Variants in SLC10A7 observed in about 807,000 individuals in gnomAD.
SLC10A7 encodes the protein solute carrier family 10 member 7.
Under a neutral mutation model 43.2 loss-of-function variants are expected in SLC10A7, and 29 were observed. The ratio of observed to expected loss-of-function variants is 0.67; its 90% CI spans 0.50 to 0.92. The LOEUF (loss-of-function observed/expected upper bound fraction) is 0.92, where lower values mean the gene tolerates loss of function less well. SLC10A7 is among the 40% of genes least tolerant of loss of function. The pLI, the probability that SLC10A7 is intolerant of heterozygous loss-of-function variation, is 0.00. For synonymous variants in SLC10A7, 152 were observed against 144.8 expected (o/e 1.05, Z -0.35); for missense variants, 295 against 403.2 (o/e 0.73, Z 2.30).
intron 5 of SLC10A7, among the ~76,000 whole-genome samples, chr4:146,390,686 C>T (rs1043265671): frequency 1.3e-5 from 2 of 152,052 alleles, no homozygotes; most frequent in African/African-American, 4.8e-5. Context: ...CAATCAGAAT[C>T]CTAGGACTGG....
rs578196557 is a variant in SLC10A7 at position 146,308,224 on chromosome 4, G to A, written c.472-2215C>T. Among the ~76,000 whole-genome samples, 5 of 152,274 alleles carry A rather than the reference G, an allele frequency of 3.3e-5. No homozygotes were observed. In the East Asian group the frequency reaches 9.7e-4, roughly 29 times the overall value. On this transcript the variant is annotated intron_variant, in intron 6 of 11. Coordinates refer to ENST00000335472, the MANE Select transcript of SLC10A7 (RefSeq NM_001029998.6). ...GACGAGGTATGGCAGGGATGCTGGG[G>A]ACGAAATCCCCCAGGATGGCTCCCT...
At chr4:146,495,517 C>T (rs13149914) in intron 4 of SLC10A7, among the ~76,000 whole-genome samples, 24,368 of 152,144 alleles carry the variant, frequency 0.16, 2,614 homozygotes, top group East Asian at 0.43. Context: ...CTTACAGTCT[C>T]CATTTGGACT....
intron 5 of SLC10A7, among the ~76,000 whole-genome samples, chr4:146,352,762 T>G (rs1157392787): frequency 1.5e-5 from 2 of 129,542 alleles, no homozygotes; most frequent in East Asian, 2.3e-4. Flanking sequence ...ACATGGAAAC[T>G]GAACAACCTG....
intron 9 of SLC10A7, among the ~76,000 whole-genome samples, chr4:146,289,171 T>G (rs1224664671): frequency 6.6e-6 from 1 of 152,214 alleles, no homozygotes; most frequent in Admixed American, 6.5e-5. Flanking sequence ...CTGAACAAGC[T>G]ACCCAGGGTG....
intron 1 of SLC10A7, among the ~76,000 whole-genome samples, chr4:146,519,899 C>G (rs1738456306): frequency 6.6e-6 from 1 of 152,096 alleles, no homozygotes; most frequent in Non-Finnish European, 1.5e-5. Context: ...ACATTAAAGA[C>G]AGAAGGACTA....
At chr4:146,304,607 C>G (rs1406281516) in intron 7 of SLC10A7, among the ~76,000 whole-genome samples, 1 of 152,152 alleles carries the variant, frequency 6.6e-6, no homozygotes, top group Non-Finnish European at 1.5e-5. Flanking sequence ...GCACTGTGGT[C>G]TGAGAGATAG....
At chr4:146,489,393 T>G (rs1303399787) in intron 4 of SLC10A7, among the ~76,000 whole-genome samples, 4 of 152,224 alleles carry the variant, frequency 2.6e-5, no homozygotes, top group Non-Finnish European at 5.9e-5. Context: ...TAGACAAATT[T>G]CTTAGTCTCT....
rs564745157 is a variant in SLC10A7, at chr4:146,290,786, T to C, written c.773+2143A>G. Among the ~76,000 whole-genome samples the C allele has an allele frequency of 2.1e-4, 32 of 152,120 alleles. No individual in the cohort carries two copies. In the South Asian group the frequency reaches 6.0e-3, roughly 29 times the overall value. On this transcript the variant is annotated intron_variant, in intron 9 of 11. Transcript: ENST00000335472. ...GAGGTAAGAGGATCACCTGAGCCCA[T>C]GAGTTTGAGGCTGTAGCAAGCTATG...
chr4:146,439,239 T>A (rs1026733131), intron 5 of SLC10A7, among the ~76,000 whole-genome samples: 2 of 152,048 alleles, frequency 1.3e-5, no homozygotes, highest in African/African-American at 4.8e-5. Context: ...AAAAACAGCG[T>A]TCTATAATAA....
chr4:146,467,808 C>G (rs866589609), intron 4 of SLC10A7, among the ~76,000 whole-genome samples: 1 of 152,104 alleles, frequency 6.6e-6, no homozygotes. Context: ...GGTGATTCAC[C>G]TGCCTTGGCC....
chr4:146,349,999 T>TA lies in SLC10A7; in HGVS notation c.436-24004dup, dbSNP rs200358218. Reference sequence around the variant, plus strand: ...ACAAATCTAAAATAAAAGTTGAAATTAAAAAAAAATATATATATAGGGGGA... The same window carrying TA: ...ACAAATCTAAAATAAAAGTTGAAATTAAAAAAAAAATATATATATAGGGGGA... On this transcript the variant is annotated intron_variant, in intron 5 of 11. Coordinates refer to ENST00000335472, the MANE Select transcript of SLC10A7 (RefSeq NM_001029998.6). Among the ~76,000 whole-genome samples the TA allele has an allele frequency of 1.8e-4, 27 of 150,972 alleles. No homozygotes were observed. In the South Asian group the frequency reaches 2.3e-3, roughly 13 times the overall value.
rs1727840638 is a variant in SLC10A7, at chr4:146,255,432, A to C, written c.*1059T>G. ...CCTTTATATTTTCATTTATTCATGA[A>C]AGCAATATGATTTAACTTCTAAAAA... is the stretch of plus-strand genomic sequence containing the variant. On this transcript the variant is annotated 3_prime_UTR_variant, in exon 12 of 12. Coordinates refer to ENST00000335472, the MANE Select transcript of SLC10A7 (RefSeq NM_001029998.6). 1 of 152,652 alleles carries C rather than the reference A, an allele frequency of 6.6e-6. No homozygotes were observed. Among genetic ancestry groups the C allele is most frequent in the Admixed American group, 6.5e-5 (1 of 15,282 alleles). 9.5% of individuals were successfully genotyped at this position (152,652 alleles called of 1,614,324 possible).
intron 5 of SLC10A7, among the ~76,000 whole-genome samples, chr4:146,396,674 T>A (rs953916981): frequency 6.6e-6 from 1 of 152,084 alleles, no homozygotes; most frequent in Admixed American, 6.5e-5. Context: ...TGTACCAAAT[T>A]TTTAAATCCA....
intron 5 of SLC10A7, among the ~76,000 whole-genome samples, chr4:146,362,653 TACA>T (rs1323346241): frequency 1.5e-5 from 2 of 135,558 alleles, no homozygotes; most frequent in East Asian, 5.3e-4. Context: ...AAATAATAAC[TACA>T]ACAATTTGAT....
intron 1 of SLC10A7, among the ~76,000 whole-genome samples, chr4:146,517,464 A>AAATAAT (rs925100105): frequency 1.3e-5 from 2 of 151,586 alleles, no homozygotes; most frequent in Non-Finnish European, 2.9e-5. Flanking sequence ...CTCTGTCTCA[A>AAATAAT]AATAATAATA....
intron 7 of SLC10A7, among the ~76,000 whole-genome samples, chr4:146,301,718 G>C (rs1235917251): frequency 6.6e-6 from 1 of 152,166 alleles, no homozygotes; most frequent in Admixed American, 6.5e-5. Context: ...TGGATGTAAA[G>C]GAGTATGGCT....
At chr4:146,424,394 C>T (rs1236501795) in intron 5 of SLC10A7, among the ~76,000 whole-genome samples, 2 of 152,146 alleles carry the variant, frequency 1.3e-5, no homozygotes, top group Non-Finnish European at 2.9e-5. Context: ...GGCACGGTGG[C>T]TCACGCCTGT....
chr4:146,382,760 C>T (rs1216993442), intron 5 of SLC10A7, among the ~76,000 whole-genome samples: 2 of 152,142 alleles, frequency 1.3e-5, no homozygotes, highest in Non-Finnish European at 1.5e-5. Flanking sequence ...TAAAATCACA[C>T]CATTTTAAAT....
At position 146,389,110 on chromosome 4, in the gene SLC10A7, G is replaced by A. The variant is rs149918420; in HGVS notation, c.435+53673C>T. Among the ~76,000 whole-genome samples, 40 of 152,166 alleles carry A rather than the reference G, an allele frequency of 2.6e-4. No individual in the cohort carries two copies. The East Asian group carries it at 6.4e-3, about 24-fold the overall frequency. ...AAGCTACGTGTTCTTACTCACAAGC[G>A]GGAGCTAAACAATGGACACAGAGTG... On this transcript the variant is annotated intron_variant, in intron 5 of 11. Coordinates refer to ENST00000335472, the MANE Select transcript of SLC10A7 (RefSeq NM_001029998.6).
Sources: gnomAD v4.1 joint callset for allele counts (sites outside exome capture counted in the v4.1 genomes callset) on GRCh38, gnomAD v4.1.1 for gene constraint, MANE v1.5 for transcripts, NCBI Gene and HGNC (gene_info 2026-07-23, HGNC 2026-07-21) for gene names.